QTMAN: variants seen among roughly 807,000 people sequenced by gnomAD.
QTMAN encodes the protein tRNA-queuosine alpha-mannosyltransferase.
the QTMAN span, among the ~76,000 whole-genome samples, chr2:144,321,032 C>G: frequency 6.6e-6 from 1 of 152,152 alleles, no homozygotes; most frequent in Non-Finnish European, 1.5e-5. Flanking sequence ...ATGGATTTCC[C>G]AACTTAGAAA....
At chr2:144,037,116 A>G in the QTMAN span, among the ~76,000 whole-genome samples, 5 of 152,168 alleles carry the variant, frequency 3.3e-5, no homozygotes, top group Non-Finnish European at 7.4e-5. Flanking sequence ...AGAAGTAGGA[A>G]TGAGGAGACA....
chr2:144,190,213 C>A, the QTMAN span, among the ~76,000 whole-genome samples: 1 of 152,108 alleles, frequency 6.6e-6, no homozygotes, highest in Non-Finnish European at 1.5e-5. Context: ...TATTTATTTA[C>A]ACTTGTTAAA....
At chr2:144,210,645 A>C in the QTMAN span, among the ~76,000 whole-genome samples, 350 of 152,270 alleles carry the variant, frequency 2.3e-3, 2 homozygotes, top group African/African-American at 8.3e-3. Flanking sequence ...CTGCTCTAAT[A>C]AGGTAGTGTT....
At chr2:144,208,022 C>T in the QTMAN span, among the ~76,000 whole-genome samples, 22 of 151,974 alleles carry the variant, frequency 1.4e-4, no homozygotes, top group African/African-American at 3.9e-4. Context: ...GCTCATGAGA[C>T]GCTTTCTAAT....
At chr2:144,323,639 T>C in the QTMAN span, among the ~76,000 whole-genome samples, 1 of 152,218 alleles carries the variant, frequency 6.6e-6, no homozygotes, top group Admixed American at 6.5e-5. Flanking sequence ...ATTTGTGAAC[T>C]GTTATCTTAA....
the QTMAN span, among the ~76,000 whole-genome samples, chr2:144,182,786 T>TATATATATATATTATATATATA: frequency 4.4e-3 from 73 of 16,434 alleles, 4 homozygotes; most frequent in African/African-American, 8.1e-3. Context: ...TCAGGTACAT[T>TATATATATATATTATATATATA]ATATATATAT....
At chr2:144,181,526 A>T in the QTMAN span, among the ~76,000 whole-genome samples, 2 of 152,180 alleles carry the variant, frequency 1.3e-5, no homozygotes, top group East Asian at 3.9e-4. Flanking sequence ...TAATTTTAAT[A>T]ACTTGGCCAG....
the QTMAN span, among the ~76,000 whole-genome samples, chr2:144,304,420 C>T: frequency 5.9e-5 from 9 of 152,102 alleles, no homozygotes; most frequent in African/African-American, 2.2e-4. Flanking sequence ...TTCAATAATG[C>T]AACATTTACA....
the QTMAN span, among the ~76,000 whole-genome samples, chr2:144,206,959 ACTTGACCTTAAGTAATATAATAC>A: frequency 1.3e-5 from 2 of 152,226 alleles, no homozygotes; most frequent in Non-Finnish European, 2.9e-5. Context: ...CAACTGGATT[ACTTGACCTTAAGTAATATAATAC>A]AATTGGTGCT....
chr2:144,314,762 T>TA, the QTMAN span, among the ~76,000 whole-genome samples: 1 of 152,204 alleles, frequency 6.6e-6, no homozygotes, highest in Non-Finnish European at 1.5e-5. Flanking sequence ...TTAGGGATGA[T>TA]AAACTGTTCT....
the QTMAN span, chr2:144,235,800 T>A: frequency 6.6e-6 from 1 of 152,510 alleles, no homozygotes. Context: ...ATTCTCAATC[T>A]TGAGCTGGTC....
the QTMAN span, among the ~76,000 whole-genome samples, chr2:144,112,644 C>CATTTAT: frequency 6.6e-6 from 1 of 152,204 alleles, no homozygotes; most frequent in Non-Finnish European, 1.5e-5. Context: ...CCAGCAAAGG[C>CATTTAT]CTAAGCAGAG....
At chr2:144,191,237 G>A in the QTMAN span, among the ~76,000 whole-genome samples, 6 of 152,176 alleles carry the variant, frequency 3.9e-5, no homozygotes, top group South Asian at 6.2e-4. Context: ...GAATCCAAAC[G>A]AGAAAAGTGA....
the QTMAN span, among the ~76,000 whole-genome samples, chr2:144,076,571 A>G: frequency 6.6e-6 from 1 of 152,220 alleles, no homozygotes; most frequent in Non-Finnish European, 1.5e-5. Context: ...GAGAGTGTTC[A>G]GAACCCCTCT....
At chr2:144,327,960 ATTTATTTT>A in the QTMAN span, among the ~76,000 whole-genome samples, 1 of 152,024 alleles carries the variant, frequency 6.6e-6, no homozygotes, top group African/African-American at 2.4e-5. Flanking sequence ...TTATTTATTT[ATTTATTTT>A]GGAGATGGAG....
the QTMAN span, among the ~76,000 whole-genome samples, chr2:144,122,312 ATAGTT>A: frequency 6.6e-6 from 1 of 152,198 alleles, no homozygotes; most frequent in Non-Finnish European, 1.5e-5. Flanking sequence ...ATTGAGAAAA[ATAGTT>A]TAGTGCTATT....
the QTMAN span, among the ~76,000 whole-genome samples, chr2:144,043,429 T>C: frequency 1.3e-5 from 2 of 151,098 alleles, no homozygotes; most frequent in African/African-American, 4.9e-5. Flanking sequence ...AGGTCAGGAG[T>C]TCAAGATCAG....
At chr2:144,266,736 A>G in the QTMAN span, among the ~76,000 whole-genome samples, 1 of 152,238 alleles carries the variant, frequency 6.6e-6, no homozygotes, top group African/African-American at 2.4e-5. Flanking sequence ...ACCAGCAATG[A>G]TAACTCAGGC....
At chr2:144,100,263 C>T in the QTMAN span, among the ~76,000 whole-genome samples, 3 of 152,194 alleles carry the variant, frequency 2.0e-5, no homozygotes, top group South Asian at 6.2e-4. Context: ...CCTCAGAATA[C>T]ACGTGTTTCA....
Sources: gnomAD v4.1 joint callset for allele counts (sites outside exome capture counted in the v4.1 genomes callset) on GRCh38, gnomAD v4.1.1 for gene constraint, MANE v1.5 for transcripts, NCBI Gene and HGNC (gene_info 2026-07-23, HGNC 2026-07-21) for gene names.